GTF3C1: variants seen among roughly 807,000 people sequenced by gnomAD.
The protein encoded by GTF3C1 is general transcription factor IIIC subunit 1.
GTF3C1 carries 57 observed loss-of-function variants against 226.7 expected under a neutral mutation model. The observed-to-expected ratio is 0.25, with a 90% CI of 0.20 to 0.31. GTF3C1 has a LOEUF of 0.31. Among genes scored for constraint, GTF3C1 ranks in the 10% least tolerant of loss-of-function variants. The pLI, the probability that GTF3C1 is intolerant of heterozygous loss-of-function variation, is 1.00. For missense variants in GTF3C1, 2,217 were observed against 2,776.1 expected (o/e 0.80, Z 4.53); for synonymous variants, 1,090 against 1,084.8 (o/e 1.00, Z -0.09).
chr16:27,484,696 G>A (rs2141369358), intron 24 of GTF3C1, among the ~76,000 whole-genome samples: 1 of 152,326 alleles, frequency 6.6e-6, no homozygotes, highest in East Asian at 1.9e-4. Flanking sequence ...TTAGTTAGAG[G>A]TCTTAGTGTC....
In GTF3C1 at chr16:27,462,563, G is replaced by T; in HGVS notation, c.5925-77C>A. On this transcript the variant is annotated intron_variant, in intron 35 of 36. Coordinates refer to ENST00000356183, the MANE Select transcript of GTF3C1 (RefSeq NM_001520.4). This position sits in a 1 kb window ranked among gnomAD's most constrained non-coding sequence, Gnocchi z 4.5. ...CGTCCAGACAGAACACTGAGGCTCAGGGGCGTCCTAGGCCTGGCCCAGGTC... is the reference window on the plus strand; with the variant it reads ...CGTCCAGACAGAACACTGAGGCTCATGGGCGTCCTAGGCCTGGCCCAGGTC... 1 of 1,153,852 alleles carries T rather than the reference G, an allele frequency of 8.7e-7. No homozygotes were observed. The allele number at this position is 1,153,852 out of a possible 1,614,324, so 71.5% of individuals were successfully genotyped here.
rs775432315 is a variant in GTF3C1 at position 27,464,364 on chromosome 16, A to T, written c.5828T>A (p.Leu1943Gln). ...GEFSSPGQEQ[L>Q]SGQAQPPEGS... ...CTCTGGAGGCTGCGCCTGGCCGCTC[A>T]GCTGCTCTTGGCCTGGGGAACTGAA... Residue 1943 changes from leucine (L) to glutamine (Q), a missense_variant, in exon 34 of 37, where the codon CTG becomes CAG. Transcript: ENST00000356183. 1 of 1,562,072 alleles carries T rather than the reference A, an allele frequency of 6.4e-7. No homozygotes were observed. Among genetic ancestry groups the T allele is most frequent in the South Asian group, 1.2e-5 (1 of 82,314 alleles).
chr16:27,479,123 C>T (rs2087999736), intron 27 of GTF3C1, among the ~76,000 whole-genome samples: 1 of 152,106 alleles, frequency 6.6e-6, no homozygotes, highest in African/African-American at 2.4e-5. Context: ...GTTTGTATTG[C>T]CAACAAAAGA....
chr16:27,497,963 T>A (rs1269213306), intron 13 of GTF3C1, 142 bp from the exon 14 acceptor site: 1 of 650,922 alleles, frequency 1.5e-6, no homozygotes, highest in Admixed American at 3.1e-5. Context: ...AGGGAGATGA[T>A]GCAAACAAAA....
At position 27,498,657 on chromosome 16, in the gene GTF3C1, C is replaced by T. The variant is rs761394078; in HGVS notation, c.2138G>A (p.Arg713Gln). The change falls in exon 13 of 37, where the codon CGG becomes CAG. Residue 713 changes from arginine to glutamine, a missense_variant. Physicochemically the swap from Arg to Gln is conservative, Grantham distance 43. Transcript: ENST00000356183. ...GTTGGCTGTGCTTGAATTGGAGATC[C>T]GGAAGCGGACCTGCTCGATGGCACT... Reference protein sequence around the residue: ...VRSAIEQVRFRISNSSTANRV... With the variant: ...VRSAIEQVRFQISNSSTANRV... 14 of 1,600,918 alleles carry T rather than the reference C, an allele frequency of 8.7e-6. No individual in the cohort carries two copies. Among genetic ancestry groups the T allele is most frequent in the South Asian group, 4.4e-5 (4 of 90,854 alleles).
chr16:27,497,867 G>T (rs1408434902), intron 13 of GTF3C1, 46 bp from the exon 14 acceptor site: 3 of 1,487,040 alleles, frequency 2.0e-6, no homozygotes, highest in Non-Finnish European at 2.8e-6. Flanking sequence ...AAAATCAAGG[G>T]CTAAGAGAAA....
chr16:27,489,739 C>T lies in GTF3C1; in HGVS notation c.3156G>A (p.Val1052=), dbSNP rs1477125077. The T allele has an allele frequency of 6.2e-6, 10 of 1,610,830 alleles. No individual in the cohort carries two copies. The highest frequency in any genetic ancestry group is 8.5e-6 in the Non-Finnish European group (10 of 1,179,564). Residue 1052 remains valine (V), a synonymous_variant, in exon 20 of 37, where the codon GTG becomes GTA. Transcript: ENST00000356183. ...QCVCLNTPLG[V]VRCPRVRKNS... ...TCTTCCTGACGCGCGGGCAGCGCAC[C>T]ACGCCTGGAAAACCAAACATCAGGG...
At chr16:27,506,336 C>T (rs2088484596) in intron 9 of GTF3C1, among the ~76,000 whole-genome samples, 1 of 152,136 alleles carries the variant, frequency 6.6e-6, no homozygotes, top group Non-Finnish European at 1.5e-5. Context: ...CTGGGTAATT[C>T]TCTGCTGTCA....
intron 6 of GTF3C1, among the ~76,000 whole-genome samples, chr16:27,519,195 G>T (rs999668339): frequency 4.6e-5 from 7 of 152,168 alleles, no homozygotes; most frequent in Non-Finnish European, 7.3e-5. Context: ...CAAAAGGAAG[G>T]GTATGAGCAA....
intron 4 of GTF3C1, among the ~76,000 whole-genome samples, chr16:27,537,550 C>T (rs941022752): frequency 2.6e-5 from 4 of 152,134 alleles, no homozygotes; most frequent in African/African-American, 9.7e-5. Context: ...GTTGGGACTA[C>T]AGGTGTGCAC....
At chr16:27,505,827 T>A (rs564007017) in intron 10 of GTF3C1, 72 bp downstream of exon 10, 404 of 876,866 alleles carry the variant, frequency 4.6e-4, no homozygotes, top group Non-Finnish European at 6.6e-4. Context: ...GATCATGTGA[T>A]TCCTAAACAC....
intron 13 of GTF3C1, among the ~76,000 whole-genome samples, chr16:27,498,218 C>T (rs904146055): frequency 3.9e-5 from 6 of 152,236 alleles, no homozygotes; most frequent in Admixed American, 2.6e-4. Context: ...CCTCTGCCTG[C>T]CTGTGAGAGT....
chr16:27,485,908 G>A, intron 24 of GTF3C1, 89 bp downstream of exon 24: 1 of 760,044 alleles, frequency 1.3e-6, no homozygotes, highest in South Asian at 1.8e-5. Flanking sequence ...TGAGAGGAGT[G>A]GTCTCTGGCT....
At chr16:27,501,932 G>A (rs1445922643) in intron 11 of GTF3C1, among the ~76,000 whole-genome samples, 2 of 151,980 alleles carry the variant, frequency 1.3e-5, no homozygotes, top group African/African-American at 2.4e-5. Context: ...GTGAAACCCC[G>A]TCTCTACTAA....
At chr16:27,472,926 T>C (rs1180756579) in intron 29 of GTF3C1, among the ~76,000 whole-genome samples, 1 of 151,284 alleles carries the variant, frequency 6.6e-6, no homozygotes, top group African/African-American at 2.4e-5. Context: ...ATTCAACTCC[T>C]TTTTTTTTGA....
rs186996009 is a variant in GTF3C1 at position 27,522,655 on chromosome 16, C to T, written c.973+5943G>A. Among the ~76,000 whole-genome samples the T allele has an allele frequency of 6.6e-5, 10 of 152,354 alleles. No homozygotes were observed. The East Asian group carries it at 1.9e-3, about 29-fold the overall frequency. On this transcript the variant is annotated intron_variant, in intron 6 of 36. Transcript: ENST00000356183. ...CTGTGGAGGAGTCAGTCAGGATTCT[C>T]ACACGGACTGTGTGGAATCAGTAGA...
Position 27,465,425 on chromosome 16 carries a change from C to T in GTF3C1, c.5190G>A (p.Glu1730=), listed in dbSNP as rs780687269. The T allele has an allele frequency of 3.7e-6, 6 of 1,613,936 alleles. No homozygotes were observed. Among genetic ancestry groups the T allele is most frequent in the Non-Finnish European group, 4.2e-6 (5 of 1,179,980 alleles). ...CSLEEFVLQL[E]LSGYSPEDLT... ...GGTCTTCGGGACTATACCCAGACAG[C>T]TCCAGCTGGAGGACAAACTCCTCCA... The change falls in exon 33 of 37, where the codon GAG becomes GAA. Residue 1730 remains glutamate (E), a synonymous_variant. Coordinates refer to ENST00000356183, the MANE Select transcript of GTF3C1 (RefSeq NM_001520.4).
At chr16:27,477,345 C>T (rs1488991287) in intron 28 of GTF3C1, among the ~76,000 whole-genome samples, 2 of 151,362 alleles carry the variant, frequency 1.3e-5, no homozygotes, top group Admixed American at 6.6e-5. Context: ...TTGCTCATGT[C>T]GCCCAGGCTT....
intron 25 of GTF3C1, 103 bp downstream of exon 25, chr16:27,484,108 A>G: frequency 1.1e-6 from 1 of 871,864 alleles, no homozygotes; most frequent in Non-Finnish European, 1.9e-6. Flanking sequence ...TGGCCAGCCC[A>G]TCAGACACCT....
Sources: allele counts gnomAD v4.1 joint callset (sites outside exome capture counted in the v4.1 genomes callset), GRCh38; gene constraint gnomAD v4.1.1; non-coding constraint Gnocchi (gnomAD v3.1); transcripts MANE v1.5; gene names NCBI Gene and HGNC (gene_info 2026-07-23, HGNC 2026-07-21).